TGFB2: variants seen among roughly 807,000 people sequenced by gnomAD.
TGFB2 encodes transforming growth factor beta 2.
Under a neutral mutation model 42.7 loss-of-function variants are expected in TGFB2, and 13 were observed. The observed-to-expected ratio is 0.30, with a 90% CI of 0.20 to 0.48. TGFB2 has a LOEUF of 0.48. Ranked by LOEUF, TGFB2 falls within the 20% of genes least tolerant of loss-of-function variation. The pLI, the probability that TGFB2 is intolerant of heterozygous loss-of-function variation, is 0.99. For synonymous variants in TGFB2, 193 were observed against 193.6 expected (o/e 1.00, Z 0.03); for missense variants, 390 against 517.5 (o/e 0.75, Z 2.39).
intron 6 of TGFB2, among the ~76,000 whole-genome samples, chr1:218,438,469 A>T (rs1217449393): frequency 6.6e-6 from 1 of 152,240 alleles, no homozygotes; most frequent in East Asian, 1.9e-4. Flanking sequence ...ATCAGTAAGA[A>T]GGAATGTCTG....
chr1:218,428,435 C>T (rs577785355), intron 2 of TGFB2, among the ~76,000 whole-genome samples: 1 of 152,270 alleles, frequency 6.6e-6, no homozygotes, highest in South Asian at 2.1e-4. Flanking sequence ...AATGGTATTG[C>T]CTGGGTTTTC....
intron 1 of TGFB2, among the ~76,000 whole-genome samples, chr1:218,352,309 T>A (rs983544126): frequency 6.6e-6 from 1 of 152,196 alleles, no homozygotes; most frequent in African/African-American, 2.4e-5. Flanking sequence ...TAGGCAGCGC[T>A]TCTGCTCAAG....
intron 1 of TGFB2, among the ~76,000 whole-genome samples, chr1:218,402,342 T>A (rs1248811896): frequency 4.6e-5 from 7 of 152,232 alleles, no homozygotes; most frequent in Non-Finnish European, 7.3e-5. Flanking sequence ...TTTGCCAATG[T>A]ATAGGAAGCC....
chr1:218,437,528 C>G, intron 6 of TGFB2, 32 bp downstream of exon 6: 1 of 1,582,426 alleles, frequency 6.3e-7, no homozygotes, highest in Non-Finnish European at 8.6e-7. Context: ...TGCCTCTGTT[C>G]TTGGGTTACC....
At chr1:218,429,766 T>C (rs963094287) in intron 2 of TGFB2, among the ~76,000 whole-genome samples, 12 of 152,204 alleles carry the variant, frequency 7.9e-5, no homozygotes, top group African/African-American at 2.7e-4. Flanking sequence ...ACAGCTCTCT[T>C]TACTTTTGGT....
chr1:218,380,708 G>T (rs1657931410), intron 1 of TGFB2, among the ~76,000 whole-genome samples: 1 of 152,114 alleles, frequency 6.6e-6, no homozygotes, highest in East Asian at 1.9e-4. Flanking sequence ...GAGCAGAGAT[G>T]AATAGAGTGG....
At chr1:218,402,803 G>C (rs1310416888) in intron 1 of TGFB2, among the ~76,000 whole-genome samples, 3 of 152,234 alleles carry the variant, frequency 2.0e-5, no homozygotes, top group African/African-American at 4.8e-5. Context: ...GATGTTTGAA[G>C]CTTCTGCTGT....
intron 1 of TGFB2, among the ~76,000 whole-genome samples, chr1:218,364,416 T>C (rs1201490185): frequency 6.6e-6 from 1 of 152,154 alleles, no homozygotes; most frequent in East Asian, 1.9e-4. Context: ...GGACGATGAG[T>C]CCACAACAAA....
chr1:218,392,754 A>G lies in TGFB2; in HGVS notation c.347-12415A>G, dbSNP rs1315454046. Among the ~76,000 whole-genome samples the G allele has an allele frequency of 3.9e-5, 6 of 152,202 alleles. No homozygotes were observed. The East Asian group carries it at 7.7e-4, about 20-fold the overall frequency. ...TGAACATCAGCTGTCTTTGCTTTTT[A>G]CTTCTCTAAAACTGGATAATCCAGA... On this transcript the variant is annotated intron_variant, in intron 1 of 6. Transcript: ENST00000366930.
chr1:218,439,639 A>G (rs1016871766), intron 6 of TGFB2, among the ~76,000 whole-genome samples: 2 of 152,144 alleles, frequency 1.3e-5, no homozygotes, highest in Non-Finnish European at 2.9e-5. Flanking sequence ...GTGCTTGGCC[A>G]TGTGAGGGAA....
chr1:218,404,253 C>T (rs1019771274), intron 1 of TGFB2, among the ~76,000 whole-genome samples: 9 of 152,184 alleles, frequency 5.9e-5, no homozygotes, highest in African/African-American at 2.2e-4. Flanking sequence ...GATGGGATTA[C>T]AGGTGCGCGC....
chr1:218,384,722 A>G (rs1385576951), intron 1 of TGFB2, among the ~76,000 whole-genome samples: 1 of 152,210 alleles, frequency 6.6e-6, no homozygotes, highest in African/African-American at 2.4e-5. Flanking sequence ...CCTTAAACTC[A>G]GGGGCTATGG....
intron 2 of TGFB2, among the ~76,000 whole-genome samples, chr1:218,429,781 C>T (rs571304107): frequency 6.6e-6 from 1 of 152,196 alleles, no homozygotes; most frequent in African/African-American, 2.4e-5. Flanking sequence ...TTTGGTCCTG[C>T]ATTTCATCAG....
At chr1:218,399,416 T>TA (rs1295173757) in intron 1 of TGFB2, among the ~76,000 whole-genome samples, 2 of 151,976 alleles carry the variant, frequency 1.3e-5, no homozygotes, top group Non-Finnish European at 1.5e-5. Flanking sequence ...AATTAAAAAT[T>TA]AAAAAAAATT....
At chr1:218,428,740 C>A (rs1659708673) in intron 2 of TGFB2, among the ~76,000 whole-genome samples, 1 of 152,026 alleles carries the variant, frequency 6.6e-6, no homozygotes, top group Non-Finnish European at 1.5e-5. Context: ...TTACTGTAGC[C>A]TTGTAGTATA....
intron 1 of TGFB2, among the ~76,000 whole-genome samples, chr1:218,369,374 T>C (rs1351667970): frequency 1.3e-5 from 2 of 150,844 alleles, no homozygotes; most frequent in Admixed American, 1.3e-4. Context: ...ACTTGGCAAC[T>C]GCATTTCTAT....
In TGFB2 at chr1:218,345,531, C is replaced by G. The variant is rs979775498; in HGVS notation, c.-1171C>G. 2.0e-5 allele frequency: 3 copies of G among 152,888 alleles called. No homozygotes were observed. Among genetic ancestry groups the G allele is most frequent in the African/African-American group, 7.2e-5 (3 of 41,458 alleles). 9.5% of individuals were successfully genotyped at this position (152,888 alleles called of 1,614,324 possible). On this transcript the variant is annotated 5_prime_UTR_variant, in exon 1 of 7. Transcript: ENST00000366930. ...GTCTAGGGAGTCATCCAGGAACAAA[C>G]TGAGGGGCTGCCCGGCTGCAGACAG... is the stretch of plus-strand genomic sequence containing the variant.
chr1:218,396,474 G>A (rs565973039), intron 1 of TGFB2, among the ~76,000 whole-genome samples: 5 of 151,972 alleles, frequency 3.3e-5, no homozygotes, highest in African/African-American at 1.2e-4. Context: ...GAGTACACAG[G>A]TTCTTCCAGG....
chr1:218,413,892 GT>G (rs1286661644), intron 2 of TGFB2, among the ~76,000 whole-genome samples: 1 of 152,202 alleles, frequency 6.6e-6, no homozygotes, highest in Non-Finnish European at 1.5e-5. Flanking sequence ...CATCCATTTA[GT>G]TTTGTATAGT....
Sources: allele counts gnomAD v4.1 joint callset (sites outside exome capture counted in the v4.1 genomes callset), GRCh38; gene constraint gnomAD v4.1.1; transcripts MANE v1.5; gene names NCBI Gene and HGNC (gene_info 2026-07-23, HGNC 2026-07-21).